YIPF3: variants seen among roughly 807,000 people sequenced by gnomAD.
The protein encoded by YIPF3 is protein YIPF3.
A neutral mutation model predicts 40.3 loss-of-function variants in YIPF3; 18 were observed. The ratio of observed to expected loss-of-function variants is 0.45; its 90% CI spans 0.31 to 0.66. The LOEUF (loss-of-function observed/expected upper bound fraction) is 0.66, where lower values mean the gene tolerates loss of function less well. Ranked by LOEUF, YIPF3 falls within the 30% of genes least tolerant of loss-of-function variation. The pLI is 0.07. For missense variants in YIPF3, 406 were observed against 452.2 expected, an observed-to-expected ratio of 0.90 and a Z score of 0.93; for synonymous variants, 190 against 179.6, an observed-to-expected ratio of 1.06 and a Z score of -0.46.
intron 1 of YIPF3, 170 bp downstream of exon 1, chr6:43,516,557 T>C: frequency 1.3e-6 from 1 of 764,928 alleles, no homozygotes; most frequent in Non-Finnish European, 2.1e-6. Flanking sequence ...AGTAGTAGTC[T>C]GGCCCTTTCA....
At chr6:43,516,699 C>T in intron 1 of YIPF3, 28 bp downstream of exon 1, 1 of 1,611,146 alleles carries the variant, frequency 6.2e-7, no homozygotes, top group Non-Finnish European at 8.5e-7. Flanking sequence ...CCTCCGGCTG[C>T]TGGCAGCTGG....
In YIPF3 at chr6:43,516,114, C is replaced by T; in HGVS notation, c.82-19G>A. The T allele has an allele frequency of 1.2e-6, 2 of 1,613,886 alleles. No homozygotes were observed. The highest frequency in any genetic ancestry group is 1.7e-6 in the Non-Finnish European group (2 of 1,179,900). ...CTCCGCCCTGTGAAGACAATGGCTC[C>T]TAGAGTGCAGGACTTTTCTGTTCCA... is the stretch of plus-strand genomic sequence containing the variant. On this transcript the variant is annotated intron_variant, in intron 1 of 8. Coordinates refer to ENST00000372422, the MANE Select transcript of YIPF3 (RefSeq NM_015388.4).
intron 1 of YIPF3, 32 bp downstream of exon 1, chr6:43,516,695 G>C: frequency 6.2e-7 from 1 of 1,610,326 alleles, no homozygotes. Context: ...CGGCCCTCCG[G>C]CTGCTGGCAG....
intron 3 of YIPF3, chr6:43,515,384 G>C (rs745822522): frequency 7.1e-5 from 47 of 660,962 alleles, no homozygotes; most frequent in Non-Finnish European, 1.2e-4. Context: ...TCTGAGGTAG[G>C]TTTTGAGGGA....
At chr6:43,512,701 C>A in intron 7 of YIPF3, 60 bp downstream of exon 7, 1 of 1,579,652 alleles carries the variant, frequency 6.3e-7, no homozygotes. Flanking sequence ...CAGCTCCAGG[C>A]TGTCTTCCCC....
At chr6:43,515,338 G>T (rs1026872530) in intron 3 of YIPF3, 1 of 576,230 alleles carries the variant, frequency 1.7e-6, no homozygotes, top group Non-Finnish European at 3.3e-6. Flanking sequence ...ACAAACTGGG[G>T]ATGGGATTGA....
Position 43,512,478 on chromosome 6 carries a change from AG to A in YIPF3, c.865del (p.Leu289CysfsTer12). On this transcript the variant is annotated frameshift_variant, in exon 8 of 9. Coordinates refer to ENST00000372422, the MANE Select transcript of YIPF3 (RefSeq NM_015388.4). LOFTEE classifies it high-confidence loss of function. ...GTLAALHMLF[L>X]LYLHFAYHKV... ...GTGGTAGGCAAAATGCAGATAGAGC[AG>A]GAAGAGCATGTGTAGGGCAGCCAGG... The A allele has an allele frequency of 6.2e-7, 1 of 1,614,148 alleles. No individual in the cohort carries two copies. The highest frequency in any genetic ancestry group is 8.5e-7 in the Non-Finnish European group (1 of 1,180,034).
chr6:43,513,552 T>C, intron 4 of YIPF3, 36 bp downstream of exon 4: 1 of 1,595,896 alleles, frequency 6.3e-7, no homozygotes, highest in African/African-American at 1.3e-5. Flanking sequence ...CCCTGGTGCT[T>C]CCCCCGGCTC....
Position 43,515,124 on chromosome 6 carries a change from G to A in YIPF3, c.395+471C>T, listed in dbSNP as rs890345953. ...TGCCATTCTCCTGCCTCAGCCTCCCGAGTAGCTGGGACTACGGGCACCCGC... is the reference window on the plus strand; with the variant it reads ...TGCCATTCTCCTGCCTCAGCCTCCCAAGTAGCTGGGACTACGGGCACCCGC... On this transcript the variant is annotated intron_variant, in intron 3 of 8. Coordinates refer to ENST00000372422, the MANE Select transcript of YIPF3 (RefSeq NM_015388.4). The A allele has an allele frequency of 9.5e-4, 344 of 360,484 alleles. 1 individual carries two copies. Among genetic ancestry groups the A allele is most frequent in the Admixed American group, 1.6e-3 (43 of 27,244 alleles). 22.3% of individuals were successfully genotyped at this position (360,484 alleles called of 1,614,324 possible).
At position 43,513,347 on chromosome 6, in the gene YIPF3, T is replaced by G. The variant is rs752049743; in HGVS notation, c.534+12A>C. On this transcript the variant is annotated intron_variant, in intron 5 of 8. Coordinates refer to ENST00000372422, the MANE Select transcript of YIPF3 (RefSeq NM_015388.4). ...GTGCAGCCACCCCCCCAAAGTTGTC[T>G]GTCCTGCTTACGATAATAGTGTCAG... 5.6e-6 allele frequency: 9 copies of G among 1,614,056 alleles called. No individual in the cohort carries two copies. Among genetic ancestry groups the G allele is most frequent in the Non-Finnish European group, 6.8e-6 (8 of 1,179,996 alleles).
chr6:43,516,480 C>T (rs1242354164), intron 1 of YIPF3: 4 of 628,166 alleles, frequency 6.4e-6, no homozygotes, highest in Non-Finnish European at 1.1e-5. Context: ...AACCTCCTAA[C>T]TTGTTCCAAG....
chr6:43,512,977 C>T, intron 6 of YIPF3, 92 bp downstream of exon 6: 23 of 1,593,430 alleles, frequency 1.4e-5, no homozygotes, highest in Non-Finnish European at 2.0e-5. Flanking sequence ...CTACTCCTCC[C>T]ATTCCAGGCT....
chr6:43,516,650 A>G, intron 1 of YIPF3, 77 bp downstream of exon 1: 1 of 1,542,444 alleles, frequency 6.5e-7, no homozygotes, highest in Non-Finnish European at 8.8e-7. Flanking sequence ...TTCCAGGCCC[A>G]GAGGGGGAAT....
At chr6:43,513,557 C>T (rs770756153) in intron 4 of YIPF3, 31 bp downstream of exon 4, 20 of 1,594,684 alleles carry the variant, frequency 1.3e-5, no homozygotes, top group South Asian at 1.0e-4. Flanking sequence ...GTGCTTCCCC[C>T]GGCTCTCCAG....
Position 43,512,208 on chromosome 6 carries a change from C to A in YIPF3, c.1012G>T (p.Ala338Ser), listed in dbSNP as rs764341744. The A allele has an allele frequency of 5.0e-6, 8 of 1,613,980 alleles. No individual in the cohort carries two copies. The highest frequency in any genetic ancestry group is 6.8e-6 in the Non-Finnish European group (8 of 1,180,020). ...AARLPTTVLN[A>S]TAKAVAVTLQ... ...GTCACCGCAACAGCTTTGGCTGTGG[C>A]GTTGAGGACGGTGGTGGGAAGCCGA... Residue 338 changes from alanine (A) to serine (S), a missense_variant, in exon 9 of 9, where the codon GCC (alanine) becomes TCC (serine). Physicochemically the swap from Ala to Ser is moderately conservative, Grantham distance 99. Coordinates refer to ENST00000372422, the MANE Select transcript of YIPF3 (RefSeq NM_015388.4).
chr6:43,515,347 G>C (rs1303406158), intron 3 of YIPF3: 4 of 593,616 alleles, frequency 6.7e-6, no homozygotes, highest in Non-Finnish European at 1.3e-5. Flanking sequence ...GGATGGGATT[G>C]AGGAATGTGG....
intron 3 of YIPF3, 30 bp downstream of exon 3, chr6:43,515,565 G>A (rs747591249): frequency 2.5e-6 from 4 of 1,610,706 alleles, no homozygotes; most frequent in Middle Eastern, 1.9e-4. Context: ...GGTGTTAGGA[G>A]GGAAGCTTCT....
In YIPF3 at chr6:43,515,675, G is replaced by A. The variant is rs747680264; in HGVS notation, c.315C>T (p.Ala105=). 6.2e-7 allele frequency: 1 copy of A among 1,614,114 alleles called. No individual in the cohort carries two copies. The highest frequency in any genetic ancestry group is 8.5e-7 in the Non-Finnish European group (1 of 1,180,038). Residue 105 remains alanine, a synonymous_variant, in exon 3 of 9, where the codon GCC becomes GCT. Coordinates refer to ENST00000372422, the MANE Select transcript of YIPF3 (RefSeq NM_015388.4). ...TGGCGTACAAGCTGAAGGCCCTGGAGGCTTGTCTTTTCCCAGCCTGCCACA... is the reference window on the plus strand; with the variant it reads ...TGGCGTACAAGCTGAAGGCCCTGGAAGCTTGTCTTTTCCCAGCCTGCCACA... ...DQMWQAGKRQ[A]SRAFSLYANI...
intron 5 of YIPF3, 22 bp downstream of exon 5, chr6:43,513,337 C>A (rs753382065): frequency 4.3e-6 from 7 of 1,614,060 alleles, no homozygotes; most frequent in South Asian, 3.3e-5. Context: ...GCCACCCCCC[C>A]AAAGTTGTCT....
Sources: gnomAD v4.1 joint callset for allele counts on GRCh38, gnomAD v4.1.1 for gene constraint, MANE v1.5 for transcripts, NCBI Gene and HGNC (gene_info 2026-07-23, HGNC 2026-07-21) for gene names.